RGS6: variants seen among roughly 807,000 people sequenced by gnomAD.
RGS6 encodes regulator of G-protein signaling 6.
In RGS6, 30 loss-of-function variants were observed where a neutral mutation model predicts 78.5. That is an observed-to-expected ratio of 0.38 (90% CI 0.29 to 0.52). The LOEUF (loss-of-function observed/expected upper bound fraction) is 0.52, where lower values mean the gene tolerates loss of function less well. Ranked by LOEUF, RGS6 falls within the 20% of genes least tolerant of loss-of-function variation. The pLI is 0.85. For synonymous variants in RGS6, 206 were observed against 206.0 expected (o/e 1.00, Z 0.00); for missense variants, 495 against 609.7 (o/e 0.81, Z 1.98).
chr14:72,054,359 T>G (rs755881967), intron 2 of RGS6, among the ~76,000 whole-genome samples: 16 of 152,160 alleles, frequency 1.1e-4, no homozygotes, highest in Non-Finnish European at 1.3e-4. Context: ...GAGGAATCAC[T>G]GTGCTCGAAG....
the RGS6 span, among the ~76,000 whole-genome samples, chr14:71,885,701 T>A: frequency 6.6e-6 from 1 of 152,188 alleles, no homozygotes; most frequent in Non-Finnish European, 1.5e-5. Context: ...CAGCGTTCAG[T>A]GCATTCTTTG....
At chr14:72,547,798 G>A (rs989733716) in intron 17 of RGS6, among the ~76,000 whole-genome samples, 1 of 152,138 alleles carries the variant, frequency 6.6e-6, no homozygotes, top group Non-Finnish European at 1.5e-5. Context: ...ATCAGCCTGA[G>A]CATGAGCAAC....
chr14:71,983,981 C>T (rs12893646), intron 2 of RGS6, among the ~76,000 whole-genome samples: 27,472 of 152,124 alleles, frequency 0.18, 2,637 homozygotes, highest in Non-Finnish European at 0.2. Flanking sequence ...TAAAAAGTAG[C>T]GTGGCACACA....
At chr14:72,063,059 A>C (rs944699190) in intron 2 of RGS6, among the ~76,000 whole-genome samples, 1 of 152,084 alleles carries the variant, frequency 6.6e-6, no homozygotes, top group Non-Finnish European at 1.5e-5. Flanking sequence ...TCTGGCCTCA[A>C]GTGATCTGCC....
chr14:72,288,795 C>T (rs550920336), intron 2 of RGS6, among the ~76,000 whole-genome samples: 53 of 152,068 alleles, frequency 3.5e-4, no homozygotes, highest in Non-Finnish European at 6.2e-4. Context: ...GAAGGAGGTG[C>T]GTTGGCATGA....
Position 72,338,779 on chromosome 14 carries a change from G to T in RGS6, c.85-13316G>T, listed in dbSNP as rs534823379. The stretch of plus-strand genomic sequence containing the variant: ...TCCTCTGGGAGCTGCACAAAAGAAG[G>T]TCTATCACATGCTTCTGAAGGGAGC... On this transcript the variant is annotated intron_variant, in intron 2 of 17. Coordinates refer to ENST00000553525, the MANE Select transcript of RGS6 (RefSeq NM_001204424.2). Among the ~76,000 whole-genome samples the T allele has an allele frequency of 1.3e-4, 20 of 152,298 alleles. No homozygotes were observed. In the South Asian group the frequency reaches 3.9e-3, roughly 30 times the overall value.
the RGS6 span, among the ~76,000 whole-genome samples, chr14:71,915,340 G>T: frequency 6.6e-6 from 1 of 152,006 alleles, no homozygotes; most frequent in Non-Finnish European, 1.5e-5. Context: ...TTCCCCATTT[G>T]ATGGGAGCCC....
chr14:71,954,577 C>T (rs917324061), intron 1 of RGS6, among the ~76,000 whole-genome samples: 3 of 152,070 alleles, frequency 2.0e-5, no homozygotes, highest in Non-Finnish European at 4.4e-5. Flanking sequence ...CTTTGTGTTA[C>T]AATCCAATTA....
chr14:72,102,449 GT>G (rs1049673212), intron 2 of RGS6, among the ~76,000 whole-genome samples: 21 of 152,194 alleles, frequency 1.4e-4, no homozygotes, highest in African/African-American at 4.6e-4. Context: ...AAGCTGGAGG[GT>G]TTTTTTGTGC....
intron 17 of RGS6, among the ~76,000 whole-genome samples, chr14:72,545,891 T>C (rs962880944): frequency 6.8e-6 from 1 of 147,806 alleles, no homozygotes; most frequent in Non-Finnish European, 1.5e-5. Flanking sequence ...TCCCCACCCT[T>C]CCGGTCTGGA....
intron 2 of RGS6, among the ~76,000 whole-genome samples, chr14:72,270,461 AC>A (rs2059775144): frequency 6.6e-6 from 1 of 152,254 alleles, no homozygotes; most frequent in African/African-American, 2.4e-5. Flanking sequence ...TTCAGATGTC[AC>A]CTGAGGACGT....
intron 2 of RGS6, among the ~76,000 whole-genome samples, chr14:72,143,973 A>G (rs139119417): frequency 9.6e-4 from 146 of 152,294 alleles, no homozygotes; most frequent in African/African-American, 3.3e-3. Context: ...CGAGAAAAAG[A>G]CCACCAGAGA....
At chr14:72,566,676 CACACACCT>C (rs1456062997), downstream of RGS6, 22 of 129,496 alleles carry the variant, frequency 1.7e-4, 1 homozygote, top group African/African-American at 7.1e-4. Flanking sequence ...CACACACACA[CACACACCT>C]GTTTCCTTCT....
chr14:71,994,599 G>A (rs1490002754), intron 2 of RGS6, among the ~76,000 whole-genome samples: 1 of 152,010 alleles, frequency 6.6e-6, no homozygotes, highest in African/African-American at 2.4e-5. Flanking sequence ...AAATATGATT[G>A]TTGCAGATGT....
At chr14:71,986,783 T>A (rs1566965419) in intron 2 of RGS6, among the ~76,000 whole-genome samples, 1 of 152,184 alleles carries the variant, frequency 6.6e-6, no homozygotes, top group Non-Finnish European at 1.5e-5. Context: ...GAAAAATGAT[T>A]TGGCAGAGCT....
intron 3 of RGS6, among the ~76,000 whole-genome samples, chr14:72,394,238 C>G (rs1457319390): frequency 6.6e-6 from 1 of 152,104 alleles, no homozygotes; most frequent in Non-Finnish European, 1.5e-5. Flanking sequence ...TCGGCAGGTT[C>G]TGTGATGCCC....
rs1174265337 is a variant in RGS6 at position 72,396,036 on chromosome 14, G to C, written c.184+43842G>C. On this transcript the variant is annotated intron_variant, in intron 3 of 17. Coordinates refer to ENST00000553525, the MANE Select transcript of RGS6 (RefSeq NM_001204424.2). ...ATGGCAGCATGATTTATAATCCTTT[G>C]GGTATATACCCAGTAATGGGATGGC... 5.9e-5 allele frequency among the ~76,000 whole-genome samples: 9 copies of C among 152,000 alleles called. 1 individual carries two copies. The highest frequency in any genetic ancestry group is 5.9e-4 in the Admixed American group (9 of 15,262).
At chr14:72,290,248 A>G (rs1160657838) in intron 2 of RGS6, among the ~76,000 whole-genome samples, 2 of 152,194 alleles carry the variant, frequency 1.3e-5, no homozygotes, top group Non-Finnish European at 2.9e-5. Flanking sequence ...AACCCTATTC[A>G]GTGTTTGGGC....
intron 12 of RGS6, among the ~76,000 whole-genome samples, chr14:72,483,229 C>T (rs2096417172): frequency 6.6e-6 from 1 of 152,172 alleles, no homozygotes; most frequent in Non-Finnish European, 1.5e-5. Flanking sequence ...AGACTTCTCC[C>T]GACCCATAGC....
Sources: allele counts gnomAD v4.1 joint callset (sites outside exome capture counted in the v4.1 genomes callset), GRCh38; gene constraint gnomAD v4.1.1; transcripts MANE v1.5; gene names NCBI Gene and HGNC (gene_info 2026-07-23, HGNC 2026-07-21).